The following BDH2 variants were observed in gnomAD, a reference collection of about 807,000 sequenced individuals.
BDH2 encodes dehydrogenase/reductase SDR family member 6.
Under a neutral mutation model 33.2 loss-of-function variants are expected in BDH2, and 24 were observed. That is an observed-to-expected ratio of 0.72 (90% confidence interval 0.52 to 1.02). The LOEUF (loss-of-function observed/expected upper bound fraction) is 1.02. Among genes scored for constraint, BDH2 ranks in the 50% least tolerant of loss-of-function variants. The pLI, the probability that BDH2 is intolerant of heterozygous loss-of-function variation, is 0.00. For synonymous variants in BDH2, 81 were observed against 101.6 expected, an observed-to-expected ratio of 0.80 and a Z score of 1.22; for missense variants, 249 against 301.6, an observed-to-expected ratio of 0.83 and a Z score of 1.29.
At chr4:103,088,108 G>A (rs537658191) in intron 5 of BDH2, among the ~76,000 whole-genome samples, 1 of 152,230 alleles carries the variant, frequency 6.6e-6, no homozygotes, top group East Asian at 1.9e-4. Context: ...GAAGACAGCA[G>A]GGGAAAAAAT....
chr4:103,079,079 G>A lies in BDH2; in HGVS notation c.*623C>T, dbSNP rs1189831968. Among the ~76,000 whole-genome samples the A allele has an allele frequency of 6.6e-6, 1 of 152,124 alleles. No individual in the cohort carries two copies. The highest frequency in any genetic ancestry group is 1.5e-5 in the Non-Finnish European group (1 of 68,030). ...CATTTTAATTGTATATGCTGCAATG[G>A]CCTATTTGTATCACCCCAGAGTCAT... On this transcript the variant is annotated 3_prime_UTR_variant, in exon 10 of 10. Coordinates refer to ENST00000296424, the MANE Select transcript of BDH2 (RefSeq NM_020139.4).
chr4:103,091,179 T>C lies in BDH2; in HGVS notation c.355A>G (p.Lys119Glu), dbSNP rs755740381. The C allele has an allele frequency of 6.2e-7, 1 of 1,607,486 alleles. No individual in the cohort carries two copies. Among genetic ancestry groups the C allele is most frequent in the South Asian group, 1.1e-5 (1 of 90,910 alleles). The change falls in exon 5 of 10, where the codon AAA (lysine) becomes GAA (glutamate). Residue 119 changes from lysine (K) to glutamate (E), a missense_variant and splice_region_variant. Transcript: ENST00000296424. ...GGTGGTGGTGGTGGTGGTCTTACTT[T>C]AGGAAGGAATGCCTTGATCATCAGG... ...MYLMIKAFLP[K>E]MLAQKSGNII...
rs866993304 is a variant in BDH2 at position 103,082,185 on chromosome 4, G to A, written c.592-12C>T. 47 of 1,607,742 alleles carry A rather than the reference G, an allele frequency of 2.9e-5. No homozygotes were observed. In the Middle Eastern group the frequency reaches 2.0e-3, roughly 68 times the overall value. Reference sequence around the variant, plus strand: ...AAATCATTCCGTGCCTGTGACCAGAGACCATACCAGACATTAGTGATGGAA... The same window carrying A: ...AAATCATTCCGTGCCTGTGACCAGAAACCATACCAGACATTAGTGATGGAA... On this transcript the variant is annotated splice_polypyrimidine_tract_variant and intron_variant, in intron 8 of 9. Transcript: ENST00000296424.
chr4:103,095,559 T>A (rs1478941559), intron 2 of BDH2, among the ~76,000 whole-genome samples: 1 of 152,152 alleles, frequency 6.6e-6, no homozygotes, highest in East Asian at 1.9e-4. Context: ...GACAGCTGTT[T>A]TCAATACTCT....
intron 3 of BDH2, among the ~76,000 whole-genome samples, chr4:103,094,493 TCATTTCACAAGGTATTTTA>T (rs1748266351): frequency 6.6e-6 from 1 of 152,154 alleles, no homozygotes. Flanking sequence ...ACTGTGATAA[TCATTTCACAAGGTATTTTA>T]CAACATATAT....
chr4:103,078,909 C>T lies in BDH2; in HGVS notation c.*793G>A, dbSNP rs932886619. On this transcript the variant is annotated 3_prime_UTR_variant, in exon 10 of 10. Coordinates refer to ENST00000296424, the MANE Select transcript of BDH2 (RefSeq NM_020139.4). ...ACCATGCTGGTCCTGAACTCCTGGC[C>T]GCAAGTGATCCTCCTGCCTTGGCCT... Among the ~76,000 whole-genome samples the T allele has an allele frequency of 6.6e-6, 1 of 152,096 alleles. No individual in the cohort carries two copies. The highest frequency in any genetic ancestry group is 1.5e-5 in the Non-Finnish European group (1 of 68,030).
In BDH2 at chr4:103,092,584, A is replaced by C; in HGVS notation, c.248+16T>G. 6.4e-7 allele frequency: 1 copy of C among 1,563,120 alleles called. No individual in the cohort carries two copies. The highest frequency in any genetic ancestry group is 1.1e-5 in the South Asian group (1 of 87,358). ...ACTTTCTGTAAGGAAAGTGAAACTA[A>C]AAAGTTATGAATTACCCAGCAACAT... On this transcript the variant is annotated intron_variant, in intron 4 of 9. Transcript: ENST00000296424.
chr4:103,090,819 T>C (rs905716400), intron 5 of BDH2, among the ~76,000 whole-genome samples: 1 of 152,144 alleles, frequency 6.6e-6, no homozygotes. Flanking sequence ...TTCTTTCTCT[T>C]CATTATATTT....
chr4:103,081,320 C>T (rs1189387842), intron 9 of BDH2, among the ~76,000 whole-genome samples: 5 of 152,184 alleles, frequency 3.3e-5, no homozygotes, highest in Admixed American at 6.5e-5. Flanking sequence ...TATTTTGAGA[C>T]GGAGTCTCAC....
At chr4:103,092,545 G>A in intron 4 of BDH2, 55 bp downstream of exon 4, 1 of 1,219,908 alleles carries the variant, frequency 8.2e-7, no homozygotes, top group South Asian at 1.3e-5. Context: ...TTCTTTGAAT[G>A]AAAGTCATAG....
At position 103,094,683 on chromosome 4, in the gene BDH2, A is replaced by G. The variant is rs1748283170; in HGVS notation, c.151+520T>C. 3.3e-5 allele frequency among the ~76,000 whole-genome samples: 5 copies of G among 152,154 alleles called. No individual in the cohort carries two copies. In the South Asian group the frequency reaches 1.0e-3, roughly 32 times the overall value. ...TTAAATAAAAAATTTAGTAAGAAAA[A>G]ATTAAAATATTAATTTTTTAACTTG... On this transcript the variant is annotated intron_variant, in intron 3 of 9. Transcript: ENST00000296424.
intron 6 of BDH2, 107 bp downstream of exon 6, chr4:103,086,373 A>G: frequency 1.4e-6 from 2 of 1,421,408 alleles, no homozygotes; most frequent in Middle Eastern, 1.8e-4. Context: ...TTTTGAAATC[A>G]TTTCAATACT....
Position 103,079,686 on chromosome 4 carries a change from C to G in BDH2, c.*16G>C. On this transcript the variant is annotated 3_prime_UTR_variant, in exon 10 of 10. Transcript: ENST00000296424. ...AGGAAGGGCCTGCCTTCCTTCCCAC[C>G]ATGGAGATCCTAAAATCACAAGCTC... is the stretch of plus-strand genomic sequence containing the variant. 1 of 1,612,916 alleles carries G rather than the reference C, an allele frequency of 6.2e-7. No individual in the cohort carries two copies. Among genetic ancestry groups the G allele is most frequent in the East Asian group, 2.2e-5 (1 of 44,852 alleles).
Position 103,082,907 on chromosome 4 carries a change from T to C in BDH2, c.555A>G (p.Leu185=), listed in dbSNP as rs79460377. The change falls in exon 8 of 10, where the codon CTA becomes CTG. Residue 185 remains leucine (L), a synonymous_variant. Transcript: ENST00000296424. ...TTCCTCTGGCTTGTATTCTTTCTTG[T>C]AGAGATGGCGTATCAACTGTTCCTA... ...VCPGTVDTPS[L]QERIQARGNP... is the part of the protein sequence containing the mutation. 111,515 of 1,611,424 alleles carry C rather than the reference T, an allele frequency of 0.069. 4,719 individuals carry two copies. The highest frequency in any genetic ancestry group is 0.079 in the Non-Finnish European group (92,888 of 1,177,572).
In BDH2 at chr4:103,085,827, C is replaced by G. The variant is rs1407266116; in HGVS notation, c.419-365G>C. The G allele has an allele frequency of 2.3e-6, 3 of 1,281,804 alleles. No individual in the cohort carries two copies. The African/African-American group carries it at 4.6e-5, about 20-fold the overall frequency. 79.4% of individuals were successfully genotyped at this position (1,281,804 alleles called of 1,614,324 possible). A position where few individuals can be genotyped will look rare whatever the true frequency, so the allele number is the denominator to read the frequency against. ...GGCCTAGGCACTTCTTTACATTCCT[C>G]TCTTGTGTATGTTGAATATGTGTAT... On this transcript the variant is annotated intron_variant, in intron 6 of 9. Coordinates refer to ENST00000296424, the MANE Select transcript of BDH2 (RefSeq NM_020139.4).
At chr4:103,088,305 C>A (rs572084250) in intron 5 of BDH2, among the ~76,000 whole-genome samples, 1 of 152,202 alleles carries the variant, frequency 6.6e-6, no homozygotes, top group South Asian at 2.1e-4. Context: ...TACATATACC[C>A]CAATTTAATA....
intron 5 of BDH2, among the ~76,000 whole-genome samples, chr4:103,089,241 G>A (rs1747953072): frequency 6.6e-6 from 1 of 152,174 alleles, no homozygotes. Flanking sequence ...ATTATGGCTG[G>A]AAGTGATTGT....
At chr4:103,082,805 G>T in intron 8 of BDH2, 66 bp downstream of exon 8, 1 of 1,364,466 alleles carries the variant, frequency 7.3e-7, no homozygotes. Flanking sequence ...GAATTTGTCT[G>T]CTATAGGTAT....
Position 103,077,711 on chromosome 4 carries a change from C to T in BDH2, c.*1991G>A, listed in dbSNP as rs1747303160. ...ACAGCATAAAGTATTTCATGACATA[C>T]TTGTAAGAGTCAGTGTTCTATGAAT... On this transcript the variant is annotated 3_prime_UTR_variant, in exon 10 of 10. Transcript: ENST00000296424. 6.6e-6 allele frequency among the ~76,000 whole-genome samples: 1 copy of T among 152,146 alleles called. No homozygotes were observed. Among genetic ancestry groups the T allele is most frequent in the Non-Finnish European group, 1.5e-5 (1 of 68,042 alleles).
Sources: allele counts gnomAD v4.1 joint callset (sites outside exome capture counted in the v4.1 genomes callset), GRCh38; gene constraint gnomAD v4.1.1; transcripts MANE v1.5; gene names NCBI Gene and HGNC (gene_info 2026-07-23, HGNC 2026-07-21).